SLTM: variants seen among roughly 807,000 people sequenced by gnomAD.
SLTM encodes SAFB like transcription modulator, also known as SAFB-like transcription modulator.
SLTM carries 43 observed loss-of-function variants against 134.6 expected under a neutral mutation model. That is an observed-to-expected ratio of 0.32 (90% CI 0.25 to 0.41). The LOEUF (loss-of-function observed/expected upper bound fraction) is 0.41, where lower values mean the gene tolerates loss of function less well. Ranked by LOEUF, SLTM falls within the 10% of genes least tolerant of loss-of-function variation. The probability of loss-of-function intolerance (pLI) is 1.00; values close to 1 mark genes in which losing one functional copy is unlikely to be tolerated. For synonymous variants in SLTM, 424 were observed against 432.3 expected (o/e 0.98, Z 0.24); for missense variants, 1,055 against 1,288.8 (o/e 0.82, Z 2.78).
intron 19 of SLTM, among the ~76,000 whole-genome samples, chr15:58,885,491 A>T (rs2034105357): frequency 6.6e-6 from 1 of 152,192 alleles, no homozygotes; most frequent in Admixed American, 6.5e-5. Context: ...TTATAGACTC[A>T]GTCTTAAAAA....
At chr15:58,902,906 A>ATTC (rs2035589881) in intron 5 of SLTM, among the ~76,000 whole-genome samples, 1 of 147,920 alleles carries the variant, frequency 6.8e-6, no homozygotes, top group Non-Finnish European at 1.5e-5. Context: ...TATTATTATT[A>ATTC]TTTTTTATTT....
At chr15:58,917,327 T>G (rs766248691) in intron 2 of SLTM, among the ~76,000 whole-genome samples, 2 of 152,228 alleles carry the variant, frequency 1.3e-5, no homozygotes, top group Non-Finnish European at 2.9e-5. Flanking sequence ...TTCAATGGCA[T>G]TCTACTAACT....
At position 58,893,491 on chromosome 15, in the gene SLTM, C is replaced by T; in HGVS notation, c.1649-127G>A. 7.5e-6 allele frequency: 5 copies of T among 671,136 alleles called. No homozygotes were observed. In the South Asian group the frequency reaches 1.1e-4, roughly 14 times the overall value. The allele number at this position is 671,136 out of a possible 1,614,324, so 41.6% of individuals were successfully genotyped here. On this transcript the variant is annotated intron_variant, in intron 12 of 20. Coordinates refer to ENST00000380516, the MANE Select transcript of SLTM (RefSeq NM_024755.4). ...TGAAATAAAAAAACTACTTATTCTA[C>T]AAGAACTTCAATGCAAAGAGTTTTT...
chr15:58,880,006 C>A lies in SLTM; in HGVS notation c.3098G>T (p.Arg1033Leu), dbSNP rs1270892367. ...TTGGCAGAGAGCTCATTTTCAGAATCGTCGCGGAGGTCCACCCTTAAATGG... is the reference window on the plus strand; with the variant it reads ...TTGGCAGAGAGCTCATTTTCAGAATAGTCGCGGAGGTCCACCCTTAAATGG... ...FKPFKGGPPR[R>L]F is the part of the protein sequence containing the mutation. Residue 1033 changes from arginine (R) to leucine (L), a missense_variant, in exon 21 of 21, where the codon CGA (arginine) becomes CTA (leucine). Physicochemically the swap from Arg to Leu is moderately radical, Grantham distance 102. This residue lies in a region of SLTM where 776 missense variants were observed against 962.2 expected (regional missense o/e 0.81). Coordinates refer to ENST00000380516, the MANE Select transcript of SLTM (RefSeq NM_024755.4). 3 of 1,613,072 alleles carry A rather than the reference C, an allele frequency of 1.9e-6. No individual in the cohort carries two copies. The highest frequency in any genetic ancestry group is 2.5e-6 in the Non-Finnish European group (3 of 1,179,662).
At chr15:58,904,574 T>C (rs1210592037) in intron 5 of SLTM, among the ~76,000 whole-genome samples, 2 of 149,546 alleles carry the variant, frequency 1.3e-5, no homozygotes, top group Admixed American at 1.3e-4. Context: ...AGGCAGAGTC[T>C]CACTCCGTCA....
At position 58,894,470 on chromosome 15, in the gene SLTM, C is replaced by T. The variant is rs756927416; in HGVS notation, c.1340G>A (p.Arg447His). 8.1e-6 allele frequency: 13 copies of T among 1,613,984 alleles called. No homozygotes were observed. The highest frequency in any genetic ancestry group is 1.6e-4 in the Middle Eastern group (1 of 6,082). ...AATCAGCTGTCCATGCAGCTCAGTGCGATGAAGATGTGCAATACACCTGGA... is the reference window on the plus strand; with the variant it reads ...AATCAGCTGTCCATGCAGCTCAGTGTGATGAAGATGTGCAATACACCTGGA... ...EVSRCIAHLH[R>H]TELHGQLISV... The change falls in exon 10 of 21, where the codon CGC (arginine) becomes CAC (histidine). Residue 447 changes from arginine (R) to histidine (H), a missense_variant. By Grantham distance (29) the Arg-to-His change is conservative. Coordinates refer to ENST00000380516, the MANE Select transcript of SLTM (RefSeq NM_024755.4).
chr15:58,903,775 C>T (rs1016520930), intron 5 of SLTM, among the ~76,000 whole-genome samples: 3 of 151,510 alleles, frequency 2.0e-5, no homozygotes, highest in Middle Eastern at 3.4e-3. Flanking sequence ...GCTGCTGGTA[C>T]AGCGCAAACA....
intron 20 of SLTM, 55 bp from the exon 21 acceptor site, chr15:58,880,162 G>A (rs993317534): frequency 3.8e-6 from 6 of 1,583,418 alleles, no homozygotes; most frequent in Middle Eastern, 3.4e-4. Context: ...AATCATCACT[G>A]CAAATACCAG....
intron 2 of SLTM, among the ~76,000 whole-genome samples, chr15:58,929,278 G>C (rs1238461081): frequency 6.6e-6 from 1 of 152,020 alleles, no homozygotes; most frequent in East Asian, 1.9e-4. Context: ...GGAGAAACCC[G>C]TCTCTACTAA....
In SLTM at chr15:58,899,255, G is replaced by T; in HGVS notation, c.1058+214C>A. 2 of 464,542 alleles carry T rather than the reference G, an allele frequency of 4.3e-6. No homozygotes were observed. Among genetic ancestry groups the T allele is most frequent in the South Asian group, 4.9e-5 (1 of 20,272 alleles). 28.8% of individuals were successfully genotyped at this position (464,542 alleles called of 1,614,324 possible). On this transcript the variant is annotated intron_variant, in intron 7 of 20. Transcript: ENST00000380516. The surrounding 1 kb of genome is among the most constrained non-coding windows in gnomAD (Gnocchi z 5.0). ...AAAACAACAAAAAAACCAAATATAT[G>T]CTGACATTCGACAATGCAATCAGTA...
intron 5 of SLTM, among the ~76,000 whole-genome samples, chr15:58,905,483 G>C (rs1025485639): frequency 6.6e-6 from 1 of 152,054 alleles, no homozygotes; most frequent in Non-Finnish European, 1.5e-5. Context: ...CAGGAGGTTT[G>C]CTTGAGGCCA....
intron 9 of SLTM, among the ~76,000 whole-genome samples, chr15:58,895,889 T>G (rs889096701): frequency 1.3e-5 from 2 of 152,200 alleles, no homozygotes; most frequent in Non-Finnish European, 2.9e-5. Context: ...GGACAGGTTT[T>G]GGTAATATTA....
At chr15:58,905,595 G>GAA (rs2035818760) in intron 5 of SLTM, among the ~76,000 whole-genome samples, 1 of 151,954 alleles carries the variant, frequency 6.6e-6, no homozygotes, top group Non-Finnish European at 1.5e-5. Context: ...AATGCAGTTT[G>GAA]ACTCCCCTTA....
chr15:58,913,286 C>T (rs1595904504), intron 4 of SLTM, among the ~76,000 whole-genome samples: 1 of 151,978 alleles, frequency 6.6e-6, no homozygotes, highest in South Asian at 2.1e-4. Flanking sequence ...GGAACTTACT[C>T]TATAACAACT....
At chr15:58,917,140 C>T in intron 2 of SLTM, 141 bp from the exon 3 acceptor site, 1 of 704,596 alleles carries the variant, frequency 1.4e-6, no homozygotes, top group Non-Finnish European at 2.4e-6. Context: ...AAACCACCTG[C>T]TCAGAGCTGT....
intron 14 of SLTM, among the ~76,000 whole-genome samples, chr15:58,892,544 A>AAGAGCATTGGACTTG (rs1308382752): frequency 6.6e-6 from 1 of 152,178 alleles, no homozygotes; most frequent in African/African-American, 2.4e-5. Flanking sequence ...GTGTTGAGGA[A>AAGAGCATTGGACTTG]AGAGCATTGG....
Position 58,913,636 on chromosome 15 carries a change from A to C in SLTM, c.376T>G (p.Ser126Ala). ...EQDGNDELKD[S>A]EEFGENEEEN... ...TCTTCATTTTCACCAAATTCTTCAG[A>C]GTCCTTTAGTTCATCATTTCCATCT... Residue 126 changes from serine (S) to alanine (A), a missense_variant, in exon 4 of 21, where the codon TCT becomes GCT. Ser to Ala is a moderately conservative substitution (Grantham distance 99). Transcript: ENST00000380516. The C allele has an allele frequency of 1.9e-6, 3 of 1,613,644 alleles. No individual in the cohort carries two copies. Among genetic ancestry groups the C allele is most frequent in the Non-Finnish European group, 2.5e-6 (3 of 1,179,836 alleles).
At chr15:58,916,016 T>C (rs1017454197) in intron 3 of SLTM, among the ~76,000 whole-genome samples, 1 of 152,202 alleles carries the variant, frequency 6.6e-6, no homozygotes, top group Non-Finnish European at 1.5e-5. Flanking sequence ...TAGCTTGTTC[T>C]ATAGCTGTAG....
intron 5 of SLTM, among the ~76,000 whole-genome samples, chr15:58,903,635 T>C (rs1474710940): frequency 6.6e-6 from 1 of 151,760 alleles, no homozygotes; most frequent in Non-Finnish European, 1.5e-5. Context: ...CATGTATACA[T>C]ATGTAACAAA....
Sources: gnomAD v4.1 joint callset for allele counts (sites outside exome capture counted in the v4.1 genomes callset) on GRCh38, gnomAD v4.1.1 for gene constraint, gnomAD v4.1.1 regional missense constraint, Gnocchi (gnomAD v3.1) non-coding constraint, MANE v1.5 for transcripts, NCBI Gene and HGNC (gene_info 2026-07-23, HGNC 2026-07-21) for gene names.